TSNARE1: variants seen among roughly 807,000 people sequenced by gnomAD.
The protein encoded by TSNARE1 is t-SNARE domain containing 1, also known as t-SNARE domain-containing protein 1.
A neutral mutation model predicts 62.0 loss-of-function variants in TSNARE1; 49 were observed. The ratio of observed to expected loss-of-function variants is 0.79; its 90% CI spans 0.63 to 1.00. The LOEUF is 1.00. TSNARE1 is among the 50% of genes least tolerant of loss of function. The probability of loss-of-function intolerance (pLI) is 0.00; values close to 1 mark genes in which losing one functional copy is unlikely to be tolerated. For synonymous variants in TSNARE1, 328 were observed against 294.4 expected (o/e 1.11, Z -1.17); for missense variants, 755 against 700.1 (o/e 1.08, Z -0.88).
intron 12 of TSNARE1, among the ~76,000 whole-genome samples, chr8:142,253,296 C>T (rs1025823408): frequency 1.3e-4 from 20 of 152,318 alleles, no homozygotes; most frequent in East Asian, 1.9e-4. Context: ...AAGCAACAAG[C>T]GAGGCACAGG....
chr8:142,324,707 G>T (rs1430065290), intron 6 of TSNARE1, among the ~76,000 whole-genome samples: 1 of 152,202 alleles, frequency 6.6e-6, no homozygotes, highest in Non-Finnish European at 1.5e-5. Flanking sequence ...AGCTGGAGTG[G>T]GCAGAGGTAG....
Position 142,365,844 on chromosome 8 carries a change from A to G in TSNARE1, c.-39-11081T>C, listed in dbSNP as rs181892244. 2.2e-3 allele frequency: 927 copies of G among 412,988 alleles called. 17 individuals are homozygous for G. In the Admixed American group the frequency reaches 0.024, roughly 11 times the overall value. 25.6% of individuals were successfully genotyped at this position (412,988 alleles called of 1,614,324 possible). ...ATAGGAATAAATTGTAAAAGGTGCA[A>G]GCACTGAAAAGTGCAAAACATTACT... On this transcript the variant is annotated intron_variant, in intron 1 of 13. Coordinates refer to ENST00000524325, the MANE Select transcript of TSNARE1 (RefSeq NM_145003.5).
At chr8:142,310,290 G>A (rs886938902) in intron 9 of TSNARE1, among the ~76,000 whole-genome samples, 2 of 152,094 alleles carry the variant, frequency 1.3e-5, no homozygotes, top group African/African-American at 2.4e-5. Flanking sequence ...CTGATGATGC[G>A]AGGACGTCAT....
intron 13 of TSNARE1, among the ~76,000 whole-genome samples, chr8:142,223,607 TTTA>T (rs879587161): frequency 0.13 from 756 of 5,844 alleles, 148 homozygotes; most frequent in South Asian, 0.2. Context: ...CACTCACTCA[TTTA>T]TCCACTCACT....
chr8:142,260,983 A>G, intron 12 of TSNARE1, among the ~76,000 whole-genome samples: 3 of 47,774 alleles, frequency 6.3e-5, no homozygotes, highest in Non-Finnish European at 8.7e-5. Context: ...GGAGGGAGGG[A>G]GGAGAGAGGG....
chr8:142,252,021 CG>C (rs1424739249), intron 12 of TSNARE1, among the ~76,000 whole-genome samples: 1 of 136,078 alleles, frequency 7.3e-6, no homozygotes, highest in Non-Finnish European at 1.6e-5. Flanking sequence ...CTGCAGGGCC[CG>C]GGCACCATGT....
intron 4 of TSNARE1, 73 bp downstream of exon 4, chr8:142,343,893 T>TGGCCAAGATG: frequency 1.4e-6 from 2 of 1,386,934 alleles, no homozygotes; most frequent in Non-Finnish European, 1.9e-6. Flanking sequence ...CAGGGCAACA[T>TGGCCAAGATG]GGCCAAGATG....
At chr8:142,225,215 TC>T (rs1816718555) in intron 13 of TSNARE1, among the ~76,000 whole-genome samples, 1 of 77,328 alleles carries the variant, frequency 1.3e-5, no homozygotes. Context: ...ACTCCCACCC[TC>T]CACGGCTTCG....
intron 13 of TSNARE1, among the ~76,000 whole-genome samples, chr8:142,223,310 TCAC>T: frequency 1.1e-5 from 1 of 87,908 alleles, no homozygotes; most frequent in East Asian, 3.5e-4. Flanking sequence ...ACTCACTCAT[TCAC>T]TCACTCATTC....
chr8:142,290,642 G>A (rs892874719), intron 10 of TSNARE1, among the ~76,000 whole-genome samples: 1 of 152,186 alleles, frequency 6.6e-6, no homozygotes, highest in Non-Finnish European at 1.5e-5. Context: ...AGTTAATGGA[G>A]CCACCAAACC....
intron 1 of TSNARE1, among the ~76,000 whole-genome samples, chr8:142,362,042 T>C (rs958341927): frequency 1.3e-5 from 2 of 152,258 alleles, no homozygotes; most frequent in Non-Finnish European, 2.9e-5. Context: ...GCAGGAGGGC[T>C]TGCTGTCAGC....
intron 1 of TSNARE1, among the ~76,000 whole-genome samples, chr8:142,388,146 G>GA (rs1359381624): frequency 2.0e-5 from 3 of 151,766 alleles, no homozygotes; most frequent in African/African-American, 7.3e-5. Context: ...TATGTCTTAA[G>GA]AAAAAAATCA....
chr8:142,402,202 GGGCGGAGAAGCACC>G (rs1463688061), intron 1 of TSNARE1, among the ~76,000 whole-genome samples: 1 of 152,144 alleles, frequency 6.6e-6, no homozygotes, highest in African/African-American at 2.4e-5. Context: ...GCAGGATGAG[GGGCGGAGAAGCACC>G]GGCGGAGCAG....
At chr8:142,286,133 T>G (rs1822706261) in intron 10 of TSNARE1, among the ~76,000 whole-genome samples, 1 of 152,182 alleles carries the variant, frequency 6.6e-6, no homozygotes, top group South Asian at 2.1e-4. Flanking sequence ...TGGGCAAGCC[T>G]GGCCACCTCA....
intron 12 of TSNARE1, chr8:142,269,481 G>A: frequency 2.0e-6 from 2 of 985,414 alleles, no homozygotes; most frequent in Non-Finnish European, 2.4e-6. Context: ...GCCGTGCTGG[G>A]TATCTTTATT....
At chr8:142,328,350 A>G (rs1326764545) in intron 6 of TSNARE1, among the ~76,000 whole-genome samples, 1 of 152,118 alleles carries the variant, frequency 6.6e-6, no homozygotes, top group Non-Finnish European at 1.5e-5. Flanking sequence ...TGCCCTCCTT[A>G]TTTGGAAATG....
In TSNARE1 at chr8:142,269,084, G is replaced by A. The variant is rs146529935; in HGVS notation, c.1446+5697C>T. Among the ~76,000 whole-genome samples the A allele has an allele frequency of 1.6e-3, 237 of 152,362 alleles. 2 individuals carry two copies. Among genetic ancestry groups the A allele is most frequent in the Non-Finnish European group, 2.7e-3 (187 of 68,030 alleles). On this transcript the variant is annotated intron_variant, in intron 12 of 13. Transcript: ENST00000524325. ...AAGAAGAGGCCTCAAGTTTGCCTTG[G>A]TTGTTTCTGTATCCTCAGCACTTAG...
Position 142,318,654 on chromosome 8 carries a change from C to T in TSNARE1, c.894-20G>A, listed in dbSNP as rs569122947. ...GTGTGCCTGGGGGCCGAGAAGGAGC[C>T]AGGAGCGAAGGCAGGGGAGGAAGGC... On this transcript the variant is annotated intron_variant, in intron 6 of 13. Transcript: ENST00000524325. 8.1e-6 allele frequency: 13 copies of T among 1,613,104 alleles called. No homozygotes were observed. In the African/African-American group the frequency reaches 1.5e-4, roughly 18 times the overall value.
At chr8:142,234,797 C>G (rs1247155745) in intron 12 of TSNARE1, among the ~76,000 whole-genome samples, 1 of 152,032 alleles carries the variant, frequency 6.6e-6, no homozygotes, top group Non-Finnish European at 1.5e-5. Context: ...GACGCCCAAG[C>G]CTAGAGAGGG....
Sources: gnomAD v4.1 joint callset for allele counts (sites outside exome capture counted in the v4.1 genomes callset) on GRCh38, gnomAD v4.1.1 for gene constraint, MANE v1.5 for transcripts, NCBI Gene and HGNC (gene_info 2026-07-23, HGNC 2026-07-21) for gene names.